The following CYFIP2 variants were observed in gnomAD, a reference collection of about 807,000 sequenced individuals.
CYFIP2 encodes cytoplasmic FMR1 interacting protein 2.
Under a neutral mutation model 158.7 loss-of-function variants are expected in CYFIP2, and 29 were observed. The ratio of observed to expected loss-of-function variants is 0.18; its 90% CI spans 0.14 to 0.25. The LOEUF is 0.25. CYFIP2 is among the 10% of genes least tolerant of loss of function. The pLI is 1.00. For missense variants in CYFIP2, 852 were observed against 1,639.5 expected (o/e 0.52, Z 8.29); for synonymous variants, 585 against 617.6 (o/e 0.95, Z 0.78).
intron 11 of CYFIP2, among the ~76,000 whole-genome samples, chr5:157,312,573 G>A (rs963936146): frequency 6.6e-6 from 1 of 152,138 alleles, no homozygotes; most frequent in East Asian, 1.9e-4. Flanking sequence ...GGGTGACTGC[G>A]CACTGACCCA....
intron 1 of CYFIP2, among the ~76,000 whole-genome samples, chr5:157,282,242 G>T (rs1757043887): frequency 6.6e-6 from 1 of 152,248 alleles, no homozygotes; most frequent in Non-Finnish European, 1.5e-5. Context: ...AATCATGGCA[G>T]AAGGCAGAGG....
Position 157,331,135 on chromosome 5 carries a change from T to G in CYFIP2, c.2265+285T>G, listed in dbSNP as rs1362651037. Among the ~76,000 whole-genome samples, 6 of 152,140 alleles carry G rather than the reference T, an allele frequency of 3.9e-5. No individual in the cohort carries two copies. The East Asian group carries it at 9.7e-4, about 25-fold the overall frequency. On this transcript the variant is annotated intron_variant, in intron 20 of 30. Transcript: ENST00000620254. ...TCTCATCATAACCTGCAGCCCACTT[T>G]TTTCAGCTGGGACTGCCACTTAGAG... is the stretch of plus-strand genomic sequence containing the variant.
intron 3 of CYFIP2, 107 bp from the exon 4 acceptor site, chr5:157,294,676 T>G: frequency 1.3e-6 from 1 of 778,738 alleles, no homozygotes; most frequent in Non-Finnish European, 2.1e-6. Flanking sequence ...GTGATGTCCA[T>G]GCTGTGGGTC....
At chr5:157,293,456 T>G (rs1032632799) in intron 3 of CYFIP2, among the ~76,000 whole-genome samples, 5 of 152,250 alleles carry the variant, frequency 3.3e-5, no homozygotes, top group African/African-American at 1.2e-4. Flanking sequence ...TCGTTTTTCA[T>G]GCTGTTGTTG....
At chr5:157,287,206 T>G in intron 3 of CYFIP2, 98 bp downstream of exon 3, 1 of 893,902 alleles carries the variant, frequency 1.1e-6, no homozygotes, top group Non-Finnish European at 1.8e-6. Flanking sequence ...TCAGCTACTC[T>G]AAGAACCCCC....
chr5:157,386,384 AT>A (rs201243746), intron 28 of CYFIP2, among the ~76,000 whole-genome samples: 11 of 149,932 alleles, frequency 7.3e-5, no homozygotes, highest in Non-Finnish European at 1.3e-4. Flanking sequence ...TACCTGGATA[AT>A]TTTTTTTTTA....
At chr5:157,357,228 G>A (rs1229433699) in intron 23 of CYFIP2, among the ~76,000 whole-genome samples, 1 of 152,134 alleles carries the variant, frequency 6.6e-6, no homozygotes, top group Non-Finnish European at 1.5e-5. Flanking sequence ...TGTTCGTCAC[G>A]GATCCTTGTT....
At chr5:157,366,622 T>G (rs1314807689) in intron 26 of CYFIP2, among the ~76,000 whole-genome samples, 1 of 152,228 alleles carries the variant, frequency 6.6e-6, no homozygotes, top group East Asian at 1.9e-4. Context: ...CAATCTGTAG[T>G]GGTAGTGCTA....
chr5:157,272,456 CA>C (rs1364990699), intron 1 of CYFIP2, among the ~76,000 whole-genome samples: 2 of 152,170 alleles, frequency 1.3e-5, no homozygotes, highest in Non-Finnish European at 2.9e-5. Flanking sequence ...TTTAAAAAAT[CA>C]AATAGTATTG....
chr5:157,377,344 C>T (rs913915352), intron 26 of CYFIP2, among the ~76,000 whole-genome samples: 2 of 152,104 alleles, frequency 1.3e-5, no homozygotes, highest in Non-Finnish European at 2.9e-5. Flanking sequence ...TCAGCCCTGC[C>T]CTACTGTGGC....
chr5:157,374,245 C>T (rs1171697311), intron 26 of CYFIP2, among the ~76,000 whole-genome samples: 1 of 152,184 alleles, frequency 6.6e-6, no homozygotes, highest in African/African-American at 2.4e-5. Flanking sequence ...ACCCCAGGGC[C>T]ATCACTAGCA....
chr5:157,330,815 C>T lies in CYFIP2; in HGVS notation c.2230C>T (p.Arg744Cys), dbSNP rs770698075. 1 of 1,613,958 alleles carries T rather than the reference C, an allele frequency of 6.2e-7. No homozygotes were observed. Among genetic ancestry groups the T allele is most frequent in the Non-Finnish European group, 8.5e-7 (1 of 1,179,890 alleles). The change falls in exon 20 of 31, where the codon CGC becomes TGC. Residue 744 changes from arginine (R) to cysteine (C), a missense_variant. By Grantham distance (180) the Arg-to-Cys change is radical. This residue lies in a region of CYFIP2 where 191 missense variants were observed against 311.2 expected (regional missense o/e 0.61). Coordinates refer to ENST00000620254, the MANE Select transcript of CYFIP2 (RefSeq NM_001037333.3). ...GVIIPYPPSN[R>C]YETLLKQRHV... ...CATCATTCCGTATCCACCGTCCAAT[C>T]GCTATGAAACACTGCTGAAGCAGAG... is the stretch of plus-strand genomic sequence containing the variant.
At chr5:157,349,656 G>A (rs1473272559) in intron 23 of CYFIP2, among the ~76,000 whole-genome samples, 2 of 152,314 alleles carry the variant, frequency 1.3e-5, no homozygotes, top group Non-Finnish European at 1.5e-5. Flanking sequence ...GGATCAAATG[G>A]TAGTTCTCAC....
intron 26 of CYFIP2, chr5:157,376,926 T>A (rs773700487): frequency 6.6e-6 from 3 of 456,064 alleles, no homozygotes; most frequent in South Asian, 4.7e-5. Flanking sequence ...TGCCTGAATC[T>A]GACCTTGGCT....
At chr5:157,285,502 C>T (rs1335585449) in intron 2 of CYFIP2, 24 bp downstream of exon 2, 1 of 1,543,204 alleles carries the variant, frequency 6.5e-7, no homozygotes, top group Non-Finnish European at 8.8e-7. Context: ...TAGATAGCAC[C>T]AGGGGGCCCA....
chr5:157,367,564 G>A (rs940231467), intron 26 of CYFIP2, among the ~76,000 whole-genome samples: 1 of 152,096 alleles, frequency 6.6e-6, no homozygotes, highest in Admixed American at 6.6e-5. Context: ...GCTGAGCTTT[G>A]CCGATTGTTT....
chr5:157,272,828 C>T (rs549922793), intron 1 of CYFIP2, among the ~76,000 whole-genome samples: 9 of 152,188 alleles, frequency 5.9e-5, no homozygotes, highest in African/African-American at 1.4e-4. Flanking sequence ...CTTTTCATTT[C>T]GCTGCAGAAT....
intron 1 of CYFIP2, among the ~76,000 whole-genome samples, chr5:157,278,846 T>C (rs924095250): frequency 6.6e-6 from 1 of 152,202 alleles, no homozygotes; most frequent in East Asian, 1.9e-4. Flanking sequence ...ATGGAGTCAC[T>C]CATGCTAAAT....
chr5:157,290,774 G>A (rs1263325915), intron 3 of CYFIP2, among the ~76,000 whole-genome samples: 1 of 152,186 alleles, frequency 6.6e-6, no homozygotes, highest in East Asian at 1.9e-4. Flanking sequence ...TTCTAAGGTA[G>A]CTTATTAGCA....
Sources: allele counts gnomAD v4.1 joint callset (sites outside exome capture counted in the v4.1 genomes callset), GRCh38; gene constraint gnomAD v4.1.1; regional missense constraint gnomAD v4.1.1; transcripts MANE v1.5; gene names NCBI Gene and HGNC (gene_info 2026-07-23, HGNC 2026-07-21).